ZNF611: variants seen among roughly 807,000 people sequenced by gnomAD.
The protein encoded by ZNF611 is zinc finger protein 611.
In ZNF611, 6 loss-of-function variants were observed where a neutral mutation model predicts 8.9. That is an observed-to-expected ratio of 0.68 (90% CI 0.37 to 1.34). ZNF611 has a LOEUF of 1.34. Among genes scored for constraint, ZNF611 ranks in the 40% most tolerant of loss-of-function variants. ZNF611 has a pLI of 0.02. For synonymous variants in ZNF611, 262 were observed against 279.7 expected (o/e 0.94, Z 0.63); for missense variants, 874 against 841.3 (o/e 1.04, Z -0.48).
rs1018937391 is a variant in ZNF611, at chr19:52,720,979, A to G, written c.-19-5066T>C. ...TCCTCACTTCCCAGACGGGGAGGCCAGGCAGCGGTGCTCCTCACTTCCCAG... is the reference window on the plus strand; with the variant it reads ...TCCTCACTTCCCAGACGGGGAGGCCGGGCAGCGGTGCTCCTCACTTCCCAG... On this transcript the variant is annotated intron_variant, in intron 3 of 5. Transcript: ENST00000652185. 2.2e-3 allele frequency: 287 copies of G among 133,418 alleles called. 1 individual carries two copies. Among genetic ancestry groups the G allele is most frequent in the Non-Finnish European group, 3.7e-3 (243 of 65,562 alleles). The allele number at this position is 133,418 out of a possible 1,614,324, so 8.3% of individuals were successfully genotyped here. A position where few individuals can be genotyped will look rare whatever the true frequency, so the allele number is the denominator to read the frequency against.
intron 1 of ZNF611, among the ~76,000 whole-genome samples, chr19:52,734,480 T>A (rs2062444842): frequency 7.1e-6 from 1 of 140,982 alleles, no homozygotes; most frequent in African/African-American, 2.6e-5. Context: ...AAGCGGTGAC[T>A]GCGGAGGGGA....
intron 3 of ZNF611, 90 bp from the exon 4 acceptor site, chr19:52,716,003 G>T: frequency 6.9e-7 from 1 of 1,447,794 alleles, no homozygotes; most frequent in Non-Finnish European, 9.5e-7. Flanking sequence ...ACGTCACCCT[G>T]TAGAAAGAAG....
intron 3 of ZNF611, among the ~76,000 whole-genome samples, chr19:52,720,119 G>A (rs2062345250): frequency 6.6e-6 from 1 of 152,216 alleles, no homozygotes; most frequent in African/African-American, 2.4e-5. Context: ...TCTCAAGGCA[G>A]AAGAATTTTT....
chr19:52,715,854 T>C lies in ZNF611; in HGVS notation c.41A>G (p.Glu14Gly), dbSNP rs757994376. 50 of 1,612,922 alleles carry C rather than the reference T, an allele frequency of 3.1e-5. No homozygotes were observed. In the East Asian group the frequency reaches 1.1e-3, roughly 36 times the overall value. The change falls in exon 4 of 6, where the codon GAG (glutamate) becomes GGG (glycine). Residue 14 changes from glutamate (E) to glycine (G), a missense_variant. By Grantham distance (98) the Glu-to-Gly change is moderately conservative (BLOSUM62 -2). Coordinates refer to ENST00000652185, the MANE Select transcript of ZNF611 (RefSeq NM_001161499.2). ...EEAAQKRKGK[E>G]PGMALPQGRL... ...CACCTGAGGAAGAGCCATGCCTGGC[T>C]CCTTTCCTTTCCTCTTCTGAGCTGC...
Position 52,706,148 on chromosome 19 carries a change from T to A in ZNF611, c.907A>T (p.Thr303Ser), listed in dbSNP as rs1241641669. 6.2e-7 allele frequency: 1 copy of A among 1,613,342 alleles called. No individual in the cohort carries two copies. Among genetic ancestry groups the A allele is most frequent in the Non-Finnish European group, 8.5e-7 (1 of 1,179,754 alleles). Residue 303 changes from threonine to serine, a missense_variant, in exon 6 of 6, where the codon ACC becomes TCC. Thr to Ser is a moderately conservative substitution (Grantham distance 58). Coordinates refer to ENST00000652185, the MANE Select transcript of ZNF611 (RefSeq NM_001161499.2). The stretch of plus-strand genomic sequence containing the variant: ...CCAGTATGAAGTCTACGATGGCAGG[T>A]AAGGGATGACTCCTGACTGAAGGTC... ...GKTFSQESSL[T>S]CHRRLHTGVK...
At chr19:52,720,408 C>T (rs534779047) in intron 3 of ZNF611, among the ~76,000 whole-genome samples, 173 of 145,334 alleles carry the variant, frequency 1.2e-3, no homozygotes, top group African/African-American at 3.9e-3. Context: ...ATGGGGCGGC[C>T]GGGCAGAGGC....
intron 1 of ZNF611, among the ~76,000 whole-genome samples, chr19:52,732,413 T>C (rs1427765904): frequency 2.3e-5 from 3 of 132,078 alleles, no homozygotes; most frequent in African/African-American, 9.4e-5. Context: ...ACTCACAGTA[T>C]TGAGTTATTC....
chr19:52,731,207 G>C (rs1480248514), intron 1 of ZNF611, among the ~76,000 whole-genome samples: 3 of 152,032 alleles, frequency 2.0e-5, no homozygotes, highest in Non-Finnish European at 4.4e-5. Context: ...GCTGAAATTA[G>C]AGGCGTGTGC....
Position 52,706,432 on chromosome 19 carries a change from T to C in ZNF611, c.623A>G (p.Tyr208Cys). 1.1e-5 allele frequency: 18 copies of C among 1,614,204 alleles called. No homozygotes were observed. Among genetic ancestry groups the C allele is most frequent in the Admixed American group, 1.7e-5 (1 of 60,026 alleles). Residue 208 changes from tyrosine to cysteine, a missense_variant, in exon 6 of 6, where the codon TAT becomes TGT. Physicochemically the swap from Tyr to Cys is radical, Grantham distance 194 (BLOSUM62 -2). Coordinates refer to ENST00000652185, the MANE Select transcript of ZNF611 (RefSeq NM_001161499.2). Reference protein sequence around the residue: ...CRPQTQISNNYGNNPLNSSLL... With the variant: ...CRPQTQISNNCGNNPLNSSLL... ...TGAAGAATTCAGGGGATTATTCCCA[T>C]AGTTATTAGAAATCTGGGTTTGGGG...
At chr19:52,719,935 C>T (rs1600322463) in intron 3 of ZNF611, among the ~76,000 whole-genome samples, 2 of 152,314 alleles carry the variant, frequency 1.3e-5, no homozygotes, top group African/African-American at 2.4e-5. Flanking sequence ...GTGTTTGTCT[C>T]CCTGGGTACT....
chr19:52,713,872 T>G, intron 5 of ZNF611, 143 bp downstream of exon 5: 1 of 1,488,268 alleles, frequency 6.7e-7, no homozygotes, highest in Non-Finnish European at 8.9e-7. Context: ...GCCTCGGCAA[T>G]AGGAGCGAAA....
At chr19:52,707,175 T>C (rs1200139039) in intron 5 of ZNF611, among the ~76,000 whole-genome samples, 1 of 151,034 alleles carries the variant, frequency 6.6e-6, no homozygotes, top group African/African-American at 2.4e-5. Context: ...GCAAAAAGCA[T>C]ATCACCATCA....
chr19:52,705,140 A>T lies in ZNF611; in HGVS notation c.1915T>A (p.Tyr639Asn). Residue 639 changes from tyrosine to asparagine, a missense_variant, in exon 6 of 6, where the codon TAC becomes AAC. Coordinates refer to ENST00000652185, the MANE Select transcript of ZNF611 (RefSeq NM_001161499.2). ...NTFRHCSSLI[Y>N]HRRLHTGEKS... ...TCTCCAGTATGAAGTCTACGATGGT[A>T]TATAAGGGATGAGCAGTGACGGAAG... 6.2e-7 allele frequency: 1 copy of T among 1,613,872 alleles called. No homozygotes were observed. Among genetic ancestry groups the T allele is most frequent in the Non-Finnish European group, 8.5e-7 (1 of 1,179,952 alleles).
At chr19:52,734,417 T>C (rs707303) in intron 1 of ZNF611, among the ~76,000 whole-genome samples, 1 of 151,740 alleles carries the variant, frequency 6.6e-6, no homozygotes, top group Admixed American at 6.6e-5. Flanking sequence ...CAGGCAAGAA[T>C]ACCCCGTGCC....
At position 52,704,558 on chromosome 19, in the gene ZNF611, C is replaced by A. The variant is rs2062226154; in HGVS notation, c.*379G>T. ...CCAGTATGAGTTCACCGATGACCTGCAATATGTGAACGATCTCTGAAAAAT... is the reference window on the plus strand; with the variant it reads ...CCAGTATGAGTTCACCGATGACCTGAAATATGTGAACGATCTCTGAAAAAT... On this transcript the variant is annotated 3_prime_UTR_variant, in exon 6 of 6. Transcript: ENST00000652185. 1 of 1,407,752 alleles carries A rather than the reference C, an allele frequency of 7.1e-7. No homozygotes were observed. Among genetic ancestry groups the A allele is most frequent in the South Asian group, 1.2e-5 (1 of 84,408 alleles). 87.2% of individuals were successfully genotyped at this position (1,407,752 alleles called of 1,614,324 possible).
rs199699205 is a variant in ZNF611 at position 52,705,629 on chromosome 19, C to G, written c.1426G>C (p.Asp476His). Residue 476 changes from aspartate (D) to histidine (H), a missense_variant, in exon 6 of 6, where the codon GAC (aspartate) becomes CAC (histidine). Transcript: ENST00000652185. ...SSQLAKHTRI[D>H]CGEKPYKCNE... ...CACTTGTAAGGTTTTTCTCCACAGT[C>G]AATTCTAGTATGTTTTGCCAGTTGT... The G allele has an allele frequency of 1.2e-6, 2 of 1,613,436 alleles. No individual in the cohort carries two copies. The highest frequency in any genetic ancestry group is 1.7e-6 in the Non-Finnish European group (2 of 1,179,820).
At chr19:52,711,302 A>C (rs184964034) in intron 5 of ZNF611, 23 of 152,246 alleles carry the variant, frequency 1.5e-4, no homozygotes, top group African/African-American at 5.5e-4. Flanking sequence ...ATTGCACTTC[A>C]GCCTGGGAAA....
At chr19:52,707,327 C>G (rs2147418072) in intron 5 of ZNF611, 1 of 148,718 alleles carries the variant, frequency 6.7e-6, no homozygotes, top group Middle Eastern at 3.5e-3. Context: ...GTAAGGATAA[C>G]CAAAAGCAAT....
intron 2 of ZNF611, 169 bp from the exon 3 acceptor site, chr19:52,729,000 T>G (rs2062408526): frequency 1.3e-5 from 2 of 152,478 alleles, no homozygotes; most frequent in Non-Finnish European, 2.9e-5. Flanking sequence ...AAAGGGAGAT[T>G]ACATGTCCTT....
Sources: allele counts gnomAD v4.1 joint callset (sites outside exome capture counted in the v4.1 genomes callset), GRCh38; gene constraint gnomAD v4.1.1; transcripts MANE v1.5; gene names NCBI Gene and HGNC (gene_info 2026-07-23, HGNC 2026-07-21).